SOX5: variants seen among roughly 807,000 people sequenced by gnomAD.
SOX5 encodes the protein SRY-box transcription factor 5, also known as transcription factor SOX-5.
A neutral mutation model predicts 92.0 loss-of-function variants in SOX5; 9 were observed. That is an observed-to-expected ratio of 0.10 (90% CI 0.06 to 0.17). The LOEUF (loss-of-function observed/expected upper bound fraction) is 0.17. Ranked by LOEUF, SOX5 falls within the 10% of genes least tolerant of loss-of-function variation. SOX5 has a pLI of 1.00. For synonymous variants in SOX5, 344 were observed against 336.3 expected, an observed-to-expected ratio of 1.02 and a Z score of -0.25; for missense variants, 642 against 944.5, an observed-to-expected ratio of 0.68 and a Z score of 4.20.
At chr12:24,315,980 C>T (rs1308787173) in intron 2 of SOX5, among the ~76,000 whole-genome samples, 1 of 152,224 alleles carries the variant, frequency 6.6e-6, no homozygotes, top group East Asian at 1.9e-4. Context: ...CCACGGGCTT[C>T]TCTTTCACAT....
intron 1 of SOX5, among the ~76,000 whole-genome samples, chr12:23,947,140 C>T (rs530641285): frequency 6.6e-6 from 1 of 151,894 alleles, no homozygotes; most frequent in African/African-American, 2.4e-5. Flanking sequence ...TAAAAATGAT[C>T]ACATAAAACT....
intron 2 of SOX5, among the ~76,000 whole-genome samples, chr12:23,881,872 G>T (rs1287166640): frequency 1.3e-5 from 2 of 151,864 alleles, no homozygotes; most frequent in East Asian, 3.9e-4. Context: ...ATATGAAAAA[G>T]GGGGGGAAAC....
At chr12:24,416,508 G>A (rs1407731912) in intron 1 of SOX5, among the ~76,000 whole-genome samples, 2 of 152,212 alleles carry the variant, frequency 1.3e-5, no homozygotes, top group African/African-American at 4.8e-5. Flanking sequence ...CGTGGGTAAG[G>A]AAACGTGGTG....
At chr12:23,797,991 G>T (rs1391702146) in intron 3 of SOX5, among the ~76,000 whole-genome samples, 1 of 151,656 alleles carries the variant, frequency 6.6e-6, no homozygotes, top group Admixed American at 6.6e-5. Context: ...CCAAATATCT[G>T]CATGATTCAT....
intron 1 of SOX5, among the ~76,000 whole-genome samples, chr12:24,420,805 C>T (rs1965793806): frequency 6.6e-6 from 1 of 152,086 alleles, no homozygotes; most frequent in African/African-American, 2.4e-5. Context: ...GTGATAAATG[C>T]ATCACTTCTT....
intron 7 of SOX5, among the ~76,000 whole-genome samples, chr12:23,641,212 ACAC>A (rs1345780378): frequency 1.3e-5 from 2 of 152,156 alleles, no homozygotes; most frequent in Non-Finnish European, 2.9e-5. Context: ...ACACACACAC[ACAC>A]AATTTTAATA....
intron 5 of SOX5, among the ~76,000 whole-genome samples, chr12:23,736,444 A>G (rs990725996): frequency 6.6e-6 from 1 of 152,118 alleles, no homozygotes; most frequent in Non-Finnish European, 1.5e-5. Context: ...CCTGGGTGAC[A>G]GAGCGAGACT....
intron 7 of SOX5, among the ~76,000 whole-genome samples, chr12:23,658,051 G>A (rs1012343978): frequency 5.3e-5 from 8 of 152,132 alleles, no homozygotes; most frequent in Middle Eastern, 6.8e-3. Flanking sequence ...ATGTTGGGGT[G>A]GAAGTTGGAT....
At chr12:24,150,822 C>A (rs1005745932) in intron 4 of SOX5, among the ~76,000 whole-genome samples, 11 of 151,850 alleles carry the variant, frequency 7.2e-5, no homozygotes, top group African/African-American at 2.7e-4. Flanking sequence ...GATCTGGGGT[C>A]TTGGTTAGAA....
chr12:23,992,601 C>T (rs1592140633), intron 4 of SOX5, among the ~76,000 whole-genome samples: 2 of 152,074 alleles, frequency 1.3e-5, no homozygotes, highest in Non-Finnish European at 2.9e-5. Flanking sequence ...GTTCAATAAT[C>T]GTTTTGTACA....
intron 1 of SOX5, among the ~76,000 whole-genome samples, chr12:24,434,670 G>A (rs1290223578): frequency 6.6e-6 from 1 of 152,092 alleles, no homozygotes; most frequent in Non-Finnish European, 1.5e-5. Flanking sequence ...GAGCTGTCCT[G>A]AGATCTGGTT....
At chr12:23,775,267 A>G (rs1266377530) in intron 3 of SOX5, among the ~76,000 whole-genome samples, 1 of 152,228 alleles carries the variant, frequency 6.6e-6, no homozygotes, top group Non-Finnish European at 1.5e-5. Context: ...TGTGGTTTAT[A>G]TAATTATTTA....
intron 7 of SOX5, among the ~76,000 whole-genome samples, chr12:23,654,816 T>C (rs1027082401): frequency 6.6e-6 from 1 of 152,128 alleles, no homozygotes; most frequent in Non-Finnish European, 1.5e-5. Context: ...GAATGGTAAG[T>C]AATGAATGGG....
intron 6 of SOX5, among the ~76,000 whole-genome samples, chr12:23,697,945 C>G (rs970655126): frequency 1.3e-5 from 2 of 152,156 alleles, no homozygotes; most frequent in Non-Finnish European, 2.9e-5. Flanking sequence ...TATTTGTTCT[C>G]TTTTAATCTC....
chr12:24,526,076 A>G (rs1407215949), intron 1 of SOX5, among the ~76,000 whole-genome samples: 1 of 151,926 alleles, frequency 6.6e-6, no homozygotes, highest in Non-Finnish European at 1.5e-5. Context: ...TTGCCATGTT[A>G]CCCAGGCCGG....
chr12:24,028,660 A>G (rs900968129), intron 4 of SOX5, among the ~76,000 whole-genome samples: 1 of 151,920 alleles, frequency 6.6e-6, no homozygotes, highest in Non-Finnish European at 1.5e-5. Flanking sequence ...ATAAAAGTAA[A>G]ATCCCCCCAT....
intron 1 of SOX5, among the ~76,000 whole-genome samples, chr12:24,486,498 G>A (rs1946542924): frequency 6.6e-6 from 1 of 152,148 alleles, no homozygotes; most frequent in African/African-American, 2.4e-5. Flanking sequence ...GCATAAGAAA[G>A]AAATCTAGGT....
chr12:23,981,310 A>G (rs567111381), intron 4 of SOX5, among the ~76,000 whole-genome samples: 1 of 152,326 alleles, frequency 6.6e-6, no homozygotes, highest in East Asian at 1.9e-4. Context: ...TAGTCTTTCC[A>G]TTCTGAGAAA....
intron 6 of SOX5, among the ~76,000 whole-genome samples, chr12:23,723,215 T>G (rs2092919799): frequency 6.7e-6 from 1 of 149,806 alleles, no homozygotes; most frequent in South Asian, 2.1e-4. Context: ...TCTTTCTCCC[T>G]CTCTCTCTCT....
Sources: gnomAD v4.1 joint callset for allele counts (sites outside exome capture counted in the v4.1 genomes callset) on GRCh38, gnomAD v4.1.1 for gene constraint, MANE v1.5 for transcripts, NCBI Gene and HGNC (gene_info 2026-07-23, HGNC 2026-07-21) for gene names.